LVRN: variants seen among roughly 807,000 people sequenced by gnomAD.
LVRN encodes the protein laeverin.
LVRN carries 99 observed loss-of-function variants against 111.4 expected under a neutral mutation model. The ratio of observed to expected loss-of-function variants is 0.89; its 90% CI spans 0.76 to 1.05. The LOEUF is 1.05. Among genes scored for constraint, LVRN ranks in the 50% least tolerant of loss-of-function variants. LVRN has a pLI of 0.00. For missense variants in LVRN, 1,414 were observed against 1,206.8 expected (o/e 1.17, Z -2.54); for synonymous variants, 488 against 449.5 (o/e 1.09, Z -1.08).
intron 4 of LVRN, among the ~76,000 whole-genome samples, chr5:115,991,752 G>A (rs1380802061): frequency 6.6e-6 from 1 of 152,166 alleles, no homozygotes; most frequent in African/African-American, 2.4e-5. Context: ...ATTCTCTAAT[G>A]ACAATTGATG....
chr5:115,994,672 G>T (rs535173968), intron 6 of LVRN, among the ~76,000 whole-genome samples: 9 of 152,132 alleles, frequency 5.9e-5, no homozygotes, highest in African/African-American at 2.2e-4. Context: ...ATATTGTTTT[G>T]CTAATTTGAG....
intron 1 of LVRN, among the ~76,000 whole-genome samples, chr5:115,966,690 T>A (rs1247755150): frequency 6.6e-6 from 1 of 152,236 alleles, no homozygotes. Context: ...CTGCGTCATA[T>A]GGTAGTTGCA....
chr5:116,025,476 A>G (rs1314438959), intron 19 of LVRN, among the ~76,000 whole-genome samples: 1 of 152,102 alleles, frequency 6.6e-6, no homozygotes, highest in African/African-American at 2.4e-5. Flanking sequence ...AAATGTTCTG[A>G]TAACTGAATG....
At chr5:116,016,502 G>C (rs1186886817) in intron 18 of LVRN, among the ~76,000 whole-genome samples, 2 of 152,188 alleles carry the variant, frequency 1.3e-5, no homozygotes, top group Non-Finnish European at 2.9e-5. Context: ...TAACAAGTTA[G>C]CACTTAGTTT....
intron 11 of LVRN, 36 bp from the exon 12 acceptor site, chr5:116,003,205 T>C: frequency 2.6e-6 from 4 of 1,524,060 alleles, no homozygotes; most frequent in Non-Finnish European, 2.7e-6. Context: ...CTTTTTTAAA[T>C]GTACCATTTC....
chr5:115,995,728 G>A (rs145477269), intron 6 of LVRN, among the ~76,000 whole-genome samples: 1 of 152,310 alleles, frequency 6.6e-6, no homozygotes, highest in Admixed American at 6.5e-5. Context: ...ATCTTACTCA[G>A]TCCTCAAACC....
chr5:115,966,639 A>T (rs1753209036), intron 1 of LVRN, among the ~76,000 whole-genome samples: 1 of 152,220 alleles, frequency 6.6e-6, no homozygotes, highest in Non-Finnish European at 1.5e-5. Context: ...GTGTGAACAC[A>T]GTATTTATTT....
In LVRN at chr5:116,017,031, A is replaced by G. The variant is rs145270528; in HGVS notation, c.2756+1266A>G. On this transcript the variant is annotated intron_variant, in intron 18 of 19. Transcript: ENST00000357872. ...AGATGTAAAAGGATTAGGACTTGGTATCTGATAAATGCTGTAGAGGAGAGA... is the reference window on the plus strand; with the variant it reads ...AGATGTAAAAGGATTAGGACTTGGTGTCTGATAAATGCTGTAGAGGAGAGA... 4.6e-3 allele frequency among the ~76,000 whole-genome samples: 703 copies of G among 152,336 alleles called. 3 individuals are homozygous for G. The highest frequency in any genetic ancestry group is 0.014 in the African/African-American group (580 of 41,578).
intron 9 of LVRN, 107 bp from the exon 10 acceptor site, chr5:116,000,960 T>C: frequency 2.3e-6 from 3 of 1,286,710 alleles, no homozygotes; most frequent in South Asian, 3.0e-5. Flanking sequence ...GCAGGACTAC[T>C]ACATAAGTGA....
intron 9 of LVRN, 145 bp from the exon 10 acceptor site, chr5:116,000,922 C>G (rs1748223918): frequency 1.1e-6 from 1 of 870,222 alleles, no homozygotes; most frequent in African/African-American, 1.7e-5. Flanking sequence ...AAACAGAGTT[C>G]TAAATTTGCC....
chr5:115,977,584 AGTC>A (rs1199358245), intron 1 of LVRN, among the ~76,000 whole-genome samples: 2 of 152,176 alleles, frequency 1.3e-5, no homozygotes, highest in Admixed American at 6.5e-5. Flanking sequence ...GTTAATCTCT[AGTC>A]GTCTTCATGA....
rs1205387243 is a variant in LVRN, at chr5:115,963,333, G to A, written c.695+21G>A. On this transcript the variant is annotated intron_variant, in intron 1 of 19. Transcript: ENST00000357872. Reference sequence around the variant, plus strand: ...CGCAGGTAAGGGCTGTACAGCCCGGGGCCCCTCTCGGCCCCCGCCCCTGCG... The same window carrying A: ...CGCAGGTAAGGGCTGTACAGCCCGGAGCCCCTCTCGGCCCCCGCCCCTGCG... The A allele has an allele frequency of 4.6e-6, 7 of 1,532,428 alleles. No individual in the cohort carries two copies. In the African/African-American group the frequency reaches 8.2e-5, roughly 18 times the overall value. 94.9% of individuals were successfully genotyped at this position (1,532,428 alleles called of 1,614,324 possible). A position where few individuals can be genotyped will look rare whatever the true frequency, so the allele number is the denominator to read the frequency against.
At chr5:115,972,051 T>A (rs1279040209) in intron 1 of LVRN, among the ~76,000 whole-genome samples, 4 of 152,152 alleles carry the variant, frequency 2.6e-5, no homozygotes, top group Non-Finnish European at 5.9e-5. Flanking sequence ...AGCCTTTTTA[T>A]GAATTCAGTT....
At chr5:115,986,626 C>G (rs1437028045) in intron 3 of LVRN, among the ~76,000 whole-genome samples, 2 of 152,064 alleles carry the variant, frequency 1.3e-5, no homozygotes, top group Non-Finnish European at 2.9e-5. Flanking sequence ...TGCAGAGGAA[C>G]AAAAATGTAC....
Position 116,015,299 on chromosome 5 carries a change from T to A in LVRN, c.2498T>A (p.Leu833Ter), listed in dbSNP as rs374088966. Residue 833 changes from leucine (L) to a stop codon, truncating the protein, a stop_gained, in exon 17 of 20, where the codon TTG becomes TAG. Coordinates refer to ENST00000357872, the MANE Select transcript of LVRN (RefSeq NM_173800.5). LOFTEE classifies it high-confidence loss of function. The part of the protein sequence containing the change: ...KDVVLCYGIA[L>*]GSDKEWDILL... Reference sequence around the variant, plus strand: ...GTGGTTTTATGTTATGGCATTGCCTTGGGAAGTGATAAAGAGTGGGACATC... The same window carrying A: ...GTGGTTTTATGTTATGGCATTGCCTAGGGAAGTGATAAAGAGTGGGACATC... 59 of 1,611,346 alleles carry A rather than the reference T, an allele frequency of 3.7e-5. No individual in the cohort carries two copies. Among genetic ancestry groups the A allele is most frequent in the Non-Finnish European group, 4.9e-5 (58 of 1,178,872 alleles).
chr5:116,001,166 G>T lies in LVRN; in HGVS notation c.1747G>T (p.Val583Leu). ...QSGFPVITLNVSTGVMKQEPF... is the reference protein window; with the variant it reads ...QSGFPVITLNLSTGVMKQEPF... ...TGGTTTTCCAGTGATCACTTTAAAT[G>T]TGTCTACTGGCGTCATGAAACAGGA... Residue 583 changes from valine to leucine, a missense_variant, in exon 10 of 20, where the codon GTG (valine) becomes TTG (leucine). By Grantham distance (32) the Val-to-Leu change is conservative (BLOSUM62 1). Coordinates refer to ENST00000357872, the MANE Select transcript of LVRN (RefSeq NM_173800.5). The T allele has an allele frequency of 6.2e-7, 1 of 1,613,906 alleles. No homozygotes were observed. Among genetic ancestry groups the T allele is most frequent in the Non-Finnish European group, 8.5e-7 (1 of 1,179,976 alleles).
intron 1 of LVRN, among the ~76,000 whole-genome samples, chr5:115,976,655 A>G (rs566488339): frequency 3.0e-4 from 46 of 152,310 alleles, no homozygotes; most frequent in Non-Finnish European, 5.3e-4. Context: ...GAAGTTCAGA[A>G]TACTTTCTAA....
chr5:115,981,800 C>G (rs1197699428), intron 1 of LVRN, among the ~76,000 whole-genome samples: 4 of 152,188 alleles, frequency 2.6e-5, no homozygotes, highest in African/African-American at 9.6e-5. Context: ...TAACTTATCC[C>G]TCTTTGAGTT....
At chr5:116,023,533 C>G (rs900769496) in intron 19 of LVRN, 2 of 152,150 alleles carry the variant, frequency 1.3e-5, no homozygotes, top group African/African-American at 2.4e-5. Context: ...ATGGAATACT[C>G]TAATTGGTCT....
Sources: allele counts gnomAD v4.1 joint callset (sites outside exome capture counted in the v4.1 genomes callset), GRCh38; gene constraint gnomAD v4.1.1; transcripts MANE v1.5; gene names NCBI Gene and HGNC (gene_info 2026-07-23, HGNC 2026-07-21).